Variants in DSCAM observed in about 807,000 individuals in gnomAD.
DSCAM encodes DS cell adhesion molecule, also known as cell adhesion molecule DSCAM.
DSCAM carries 47 observed loss-of-function variants against 217.7 expected under a neutral mutation model. The observed-to-expected ratio is 0.22, with a 90% CI of 0.17 to 0.28. The LOEUF is 0.28. DSCAM is among the 10% of genes least tolerant of loss of function. The probability of loss-of-function intolerance (pLI) is 1.00; values close to 1 mark genes in which losing one functional copy is unlikely to be tolerated. For missense variants in DSCAM, 2,080 were observed against 2,618.3 expected, an observed-to-expected ratio of 0.79 and a Z score of 4.49; for synonymous variants, 1,056 against 1,015.3, an observed-to-expected ratio of 1.04 and a Z score of -0.76.
intron 3 of DSCAM, among the ~76,000 whole-genome samples, chr21:40,547,994 C>T (rs986194810): frequency 5.9e-5 from 9 of 152,274 alleles, no homozygotes; most frequent in African/African-American, 2.2e-4. Flanking sequence ...GGCAGCCTGG[C>T]ATATGGTGTC....
chr21:40,065,220 G>A (rs2089189169), intron 27 of DSCAM, among the ~76,000 whole-genome samples: 2 of 152,100 alleles, frequency 1.3e-5, no homozygotes, highest in African/African-American at 4.8e-5. Flanking sequence ...CAACATGGAA[G>A]CAGCAATCTT....
intron 1 of DSCAM, among the ~76,000 whole-genome samples, chr21:40,794,935 G>A (rs1007564613): frequency 1.4e-5 from 2 of 142,306 alleles, no homozygotes; most frequent in African/African-American, 2.6e-5. Flanking sequence ...GCATCAACAA[G>A]GATCTCAACC....
chr21:40,690,686 T>TTA (rs2090529085), intron 3 of DSCAM, among the ~76,000 whole-genome samples: 1 of 152,198 alleles, frequency 6.6e-6, no homozygotes, highest in African/African-American at 2.4e-5. Flanking sequence ...TCCTTTTTTT[T>TTA]ATTTAGTTAG....
intron 3 of DSCAM, among the ~76,000 whole-genome samples, chr21:40,439,237 A>G (rs1484983270): frequency 6.6e-6 from 1 of 152,218 alleles, no homozygotes; most frequent in Admixed American, 6.5e-5. Flanking sequence ...ATAGTACTCA[A>G]TAAATTAGTT....
intron 3 of DSCAM, among the ~76,000 whole-genome samples, chr21:40,462,168 A>G (rs1233813869): frequency 1.3e-5 from 2 of 152,220 alleles, no homozygotes; most frequent in African/African-American, 4.8e-5. Context: ...AGTTCAGATA[A>G]GAAAATTTCA....
intron 1 of DSCAM, among the ~76,000 whole-genome samples, chr21:40,777,672 G>A (rs1349508804): frequency 6.6e-6 from 1 of 152,052 alleles, no homozygotes; most frequent in Non-Finnish European, 1.5e-5. Flanking sequence ...AATACAGAAT[G>A]AGAAGACTAA....
At chr21:40,197,244 G>A (rs529889934) in intron 11 of DSCAM, among the ~76,000 whole-genome samples, 3 of 152,028 alleles carry the variant, frequency 2.0e-5, no homozygotes, top group South Asian at 2.1e-4. Context: ...TCAGCCTCCC[G>A]AGTAGCTGGG....
At chr21:40,145,907 A>G (rs555801700) in intron 16 of DSCAM, among the ~76,000 whole-genome samples, 13 of 151,842 alleles carry the variant, frequency 8.6e-5, no homozygotes, top group Non-Finnish European at 1.9e-4. Context: ...AAGGTTTTGT[A>G]GACTTTCAGG....
chr21:40,137,624 C>T (rs1374749603), intron 18 of DSCAM, among the ~76,000 whole-genome samples: 2 of 133,026 alleles, frequency 1.5e-5, no homozygotes, highest in Non-Finnish European at 3.3e-5. Flanking sequence ...CACACACACA[C>T]ACACACACAC....
At chr21:40,265,463 C>A (rs2073513104) in intron 11 of DSCAM, among the ~76,000 whole-genome samples, 1 of 149,482 alleles carries the variant, frequency 6.7e-6, no homozygotes. Flanking sequence ...ATCAAAATAC[C>A]AACATCGTTT....
chr21:40,115,480 G>A (rs900460568), intron 20 of DSCAM, among the ~76,000 whole-genome samples: 26 of 152,008 alleles, frequency 1.7e-4, no homozygotes, highest in Non-Finnish European at 7.4e-5. Flanking sequence ...CTAGTTAATG[G>A]GTGCAGCACA....
intron 3 of DSCAM, among the ~76,000 whole-genome samples, chr21:40,604,696 G>T (rs2089209105): frequency 6.6e-6 from 1 of 152,136 alleles, no homozygotes; most frequent in African/African-American, 2.4e-5. Flanking sequence ...GCTGCATCTT[G>T]CAGCTCTCTT....
chr21:40,419,795 G>A (rs2075405634), intron 3 of DSCAM, among the ~76,000 whole-genome samples: 1 of 152,048 alleles, frequency 6.6e-6, no homozygotes, highest in Non-Finnish European at 1.5e-5. Flanking sequence ...CATGTATAAA[G>A]TCTCACATTA....
At chr21:40,368,413 A>C (rs755739088) in intron 4 of DSCAM, among the ~76,000 whole-genome samples, 4 of 152,198 alleles carry the variant, frequency 2.6e-5, no homozygotes, top group Non-Finnish European at 5.9e-5. Flanking sequence ...AGAAACAAAA[A>C]TACTTGCAAG....
intron 11 of DSCAM, among the ~76,000 whole-genome samples, chr21:40,233,893 G>A (rs1056312041): frequency 6.6e-6 from 1 of 152,146 alleles, no homozygotes; most frequent in African/African-American, 2.4e-5. Context: ...GCTCCAGGCT[G>A]TATCAACATC....
At chr21:40,698,371 G>A (rs2090617538) in intron 2 of DSCAM, among the ~76,000 whole-genome samples, 1 of 152,142 alleles carries the variant, frequency 6.6e-6, no homozygotes, top group Non-Finnish European at 1.5e-5. Flanking sequence ...TTTGTTACTG[G>A]GAAATCAAAA....
chr21:40,025,869 G>C (rs199823561), intron 32 of DSCAM, among the ~76,000 whole-genome samples: 3 of 149,508 alleles, frequency 2.0e-5, no homozygotes, highest in African/African-American at 5.0e-5. Context: ...GTCTCTATTT[G>C]CTTCGGTTCT....
In DSCAM at chr21:40,678,062, A is replaced by G. The variant is rs192289360; in HGVS notation, c.508+14748T>C. Among the ~76,000 whole-genome samples the G allele has an allele frequency of 2.0e-5, 3 of 152,314 alleles. No individual in the cohort carries two copies. In the East Asian group the frequency reaches 5.8e-4, roughly 29 times the overall value. On this transcript the variant is annotated intron_variant, in intron 3 of 32. Transcript: ENST00000400454. ...ATTTGCATTAAAGTATATTTTAAAT[A>G]TTTGATATTGAAGTAAAGCTCAGTT... is the stretch of plus-strand genomic sequence containing the variant.
At chr21:40,226,643 T>C (rs1395410235) in intron 11 of DSCAM, among the ~76,000 whole-genome samples, 1 of 152,226 alleles carries the variant, frequency 6.6e-6, no homozygotes, top group Admixed American at 6.5e-5. Context: ...AGTCATTCTC[T>C]AATGTTTAGA....
Sources: gnomAD v4.1 joint callset for allele counts (sites outside exome capture counted in the v4.1 genomes callset) on GRCh38, gnomAD v4.1.1 for gene constraint, MANE v1.5 for transcripts, NCBI Gene and HGNC (gene_info 2026-07-23, HGNC 2026-07-21) for gene names.